CORO7: variants seen among roughly 807,000 people sequenced by gnomAD.
CORO7 encodes the protein coronin-7.
In CORO7, 107 loss-of-function variants were observed where a neutral mutation model predicts 126.6. That is an observed-to-expected ratio of 0.85 (90% CI 0.72 to 0.99). The LOEUF (loss-of-function observed/expected upper bound fraction) is 0.99, where lower values mean the gene tolerates loss of function less well. Among genes scored for constraint, CORO7 ranks in the 50% least tolerant of loss-of-function variants. The pLI is 0.00. For synonymous variants in CORO7, 603 were observed against 536.8 expected (o/e 1.12, Z -1.70); for missense variants, 1,314 against 1,255.8 (o/e 1.05, Z -0.70).
Position 4,412,351 on chromosome 16 carries a change from C to T in CORO7, c.232+5G>A. ...GCTTCACCCACTAGTCAGACACCCA[C>T]TCACCTGAATGGCAGCCCAGGTGGG... On this transcript the variant is annotated splice_donor_5th_base_variant and intron_variant, in intron 3 of 27. Coordinates refer to ENST00000251166, the MANE Select transcript of CORO7 (RefSeq NM_024535.5). 1 of 1,614,148 alleles carries T rather than the reference C, an allele frequency of 6.2e-7. No individual in the cohort carries two copies. Among genetic ancestry groups the T allele is most frequent in the Non-Finnish European group, 8.5e-7 (1 of 1,179,992 alleles).
chr16:4,357,192 CTT>C lies in CORO7; in HGVS notation c.2659_2660del (p.Lys887ValfsTer2). 6.2e-7 allele frequency: 1 copy of C among 1,613,970 alleles called. No individual in the cohort carries two copies. Among genetic ancestry groups the C allele is most frequent in the Non-Finnish European group, 8.5e-7 (1 of 1,179,998 alleles). The part of the protein sequence containing the change: ...APSSAQYLEE[K>X]SDQQKKEELL... ...CCTCCTCCTTCTTTTGCTGGTCAGA[CTT>C]TTCTTCCAGGTACTGCGCTGAGGAT... On this transcript the variant is annotated frameshift_variant, in exon 26 of 28. Coordinates refer to ENST00000251166, the MANE Select transcript of CORO7 (RefSeq NM_024535.5). LOFTEE classifies it high-confidence loss of function.
rs2056229166 is a variant in CORO7 at position 4,412,015 on chromosome 16, G to A, written c.232+341C>T. Among the ~76,000 whole-genome samples the A allele has an allele frequency of 2.0e-5, 3 of 151,942 alleles. 1 individual carries two copies. The South Asian group carries it at 6.2e-4, about 32-fold the overall frequency. ...GCTGGGGAGGATGCCTGGTGGAGAG[G>A]GGACTCCAGCAGAAGACGGAGGGCT... On this transcript the variant is annotated intron_variant, in intron 3 of 27. Coordinates refer to ENST00000251166, the MANE Select transcript of CORO7 (RefSeq NM_024535.5).
chr16:4,399,203 C>T (rs1596327934), intron 6 of CORO7, among the ~76,000 whole-genome samples: 1 of 152,318 alleles, frequency 6.6e-6, no homozygotes, highest in Non-Finnish European at 1.5e-5. Flanking sequence ...CATAGCAGCA[C>T]TACTCGCAAT....
At chr16:4,393,195 G>C (rs1347401181) in intron 7 of CORO7, among the ~76,000 whole-genome samples, 2 of 152,224 alleles carry the variant, frequency 1.3e-5, no homozygotes, top group Non-Finnish European at 2.9e-5. Context: ...AGTGCCCTGG[G>C]CTCTGGAGAG....
chr16:4,410,828 A>C (rs2056177891), intron 3 of CORO7, among the ~76,000 whole-genome samples: 1 of 152,206 alleles, frequency 6.6e-6, no homozygotes, highest in African/African-American at 2.4e-5. Flanking sequence ...TGTTGCAAGA[A>C]AGCAACCACA....
intron 6 of CORO7, among the ~76,000 whole-genome samples, chr16:4,397,798 A>G (rs1029920967): frequency 1.3e-5 from 2 of 152,024 alleles, no homozygotes; most frequent in African/African-American, 2.4e-5. Flanking sequence ...TATTTTTACT[A>G]GAGTCGGGGT....
At chr16:4,395,772 T>C (rs2055561948) in intron 6 of CORO7, among the ~76,000 whole-genome samples, 1 of 152,224 alleles carries the variant, frequency 6.6e-6, no homozygotes, top group Non-Finnish European at 1.5e-5. Context: ...AGGCCCAGCC[T>C]GGAGAGGCTC....
intron 19 of CORO7, 144 bp downstream of exon 19, chr16:4,360,799 C>T: frequency 6.8e-7 from 1 of 1,477,890 alleles, no homozygotes; most frequent in Non-Finnish European, 9.0e-7. Context: ...CCCCCCTCTC[C>T]TCACTGCTGG....
intron 6 of CORO7, among the ~76,000 whole-genome samples, chr16:4,399,072 G>A (rs1042466592): frequency 6.6e-6 from 1 of 151,864 alleles, no homozygotes; most frequent in Non-Finnish European, 1.5e-5. Context: ...ATGGAAAACA[G>A]TATGGCAGTT....
chr16:4,399,384 A>C (rs1353654085), intron 6 of CORO7, among the ~76,000 whole-genome samples: 1 of 152,236 alleles, frequency 6.6e-6, no homozygotes, highest in Non-Finnish European at 1.5e-5. Flanking sequence ...CAGCCCCAAA[A>C]GAGCAAATAG....
At chr16:4,383,022 G>C in intron 9 of CORO7, 1 of 1,108,040 alleles carries the variant, frequency 9.0e-7, no homozygotes, top group Non-Finnish European at 1.3e-6. Flanking sequence ...ACAGGGCTGT[G>C]TGACCACAGC....
At chr16:4,364,072 G>A (rs182211013) in intron 14 of CORO7, among the ~76,000 whole-genome samples, 48 of 151,822 alleles carry the variant, frequency 3.2e-4, no homozygotes, top group African/African-American at 8.5e-4. Flanking sequence ...TGTAATCCCA[G>A]CTACTCGGGA....
At chr16:4,416,088 C>G (rs2056400653) in intron 1 of CORO7, among the ~76,000 whole-genome samples, 1 of 152,084 alleles carries the variant, frequency 6.6e-6, no homozygotes, top group Non-Finnish European at 1.5e-5. Context: ...AGGAGCCAGG[C>G]GCCGGCAGCG....
chr16:4,373,821 A>C (rs1157232757), intron 9 of CORO7, among the ~76,000 whole-genome samples: 1 of 152,140 alleles, frequency 6.6e-6, no homozygotes, highest in Non-Finnish European at 1.5e-5. Context: ...AGCAGGCCAG[A>C]CAGCCAGTCC....
chr16:4,382,053 GC>G, intron 9 of CORO7: 1 of 1,586,262 alleles, frequency 6.3e-7, no homozygotes. Flanking sequence ...CCCCCAGCCC[GC>G]CCTCCACTGC....
At chr16:4,391,918 G>T (rs879621495) in intron 7 of CORO7, among the ~76,000 whole-genome samples, 1 of 152,200 alleles carries the variant, frequency 6.6e-6, no homozygotes, top group African/African-American at 2.4e-5. Context: ...AGCCCCGCAG[G>T]GGGTGCAGGA....
intron 9 of CORO7, among the ~76,000 whole-genome samples, chr16:4,370,956 C>T (rs1276801007): frequency 2.0e-5 from 3 of 152,236 alleles, no homozygotes; most frequent in Non-Finnish European, 2.9e-5. Flanking sequence ...TGACCACAAA[C>T]GCGGAGGGGG....
In CORO7 at chr16:4,361,763, C is replaced by T. The variant is rs375186130; in HGVS notation, c.1578+222G>A. On this transcript the variant is annotated intron_variant, in intron 16 of 27. Coordinates refer to ENST00000251166, the MANE Select transcript of CORO7 (RefSeq NM_024535.5). ...CCACCACTTACACAGCTGTGTGACC[C>T]GGGCAGGTCACTAAACCTCTCTGTG... 8.5e-5 allele frequency: 71 copies of T among 839,866 alleles called. No homozygotes were observed. The African/African-American group carries it at 8.5e-4, about 10-fold the overall frequency. The allele number at this position is 839,866 out of a possible 1,614,324, so 52.0% of individuals were successfully genotyped here.
At chr16:4,378,586 T>C (rs1049704461) in intron 9 of CORO7, among the ~76,000 whole-genome samples, 1 of 151,944 alleles carries the variant, frequency 6.6e-6, no homozygotes, top group African/African-American at 2.4e-5. Context: ...AGGCTAGGGG[T>C]GTGGCCCCAG....
Sources: allele counts gnomAD v4.1 joint callset (sites outside exome capture counted in the v4.1 genomes callset), GRCh38; gene constraint gnomAD v4.1.1; transcripts MANE v1.5; gene names NCBI Gene and HGNC (gene_info 2026-07-23, HGNC 2026-07-21).